SLC25A2: variants seen among roughly 807,000 people sequenced by gnomAD.
SLC25A2 encodes mitochondrial ornithine transporter 2.
SLC25A2 carries 6 observed loss-of-function variants against 7.4 expected under a neutral mutation model. The ratio of observed to expected loss-of-function variants is 0.82; its 90% CI spans 0.45 to 1.61. The LOEUF (loss-of-function observed/expected upper bound fraction) is 1.61. Ranked by LOEUF, SLC25A2 falls within the 40% of genes most tolerant of loss-of-function variation. The pLI, the probability that SLC25A2 is intolerant of heterozygous loss-of-function variation, is 0.01. For missense variants in SLC25A2, 356 were observed against 377.3 expected (o/e 0.94, Z 0.47); for synonymous variants, 158 against 153.4 (o/e 1.03, Z -0.22).
rs371165210 is a variant in SLC25A2 at position 141,303,870 on chromosome 5, G to T, written c.-5C>A. On this transcript the variant is annotated 5_prime_UTR_variant, in exon 1 of 1. Coordinates refer to ENST00000239451, the MANE Select transcript of SLC25A2 (RefSeq NM_031947.4). The stretch of plus-strand genomic sequence containing the variant: ...GATGCCAGGACCGGACTTCATGTTC[G>T]CTCACTCGTCTGAGGGTCCCAGTGG... 82 of 1,611,210 alleles carry T rather than the reference G, an allele frequency of 5.1e-5. No homozygotes were observed. Among genetic ancestry groups the T allele is most frequent in the Non-Finnish European group, 6.4e-5 (75 of 1,178,466 alleles).
Position 141,303,948 on chromosome 5 carries a change from C to T in SLC25A2, c.-83G>A. 3 of 1,468,952 alleles carry T rather than the reference C, an allele frequency of 2.0e-6. No homozygotes were observed. Among genetic ancestry groups the T allele is most frequent in the African/African-American group, 1.4e-5 (1 of 71,388 alleles). 91.0% of individuals were successfully genotyped at this position (1,468,952 alleles called of 1,614,324 possible). ...ACCGGCTTTTCACGTCCAGCCGCAG[C>T]GAGCGCGGGGAATGGAGTTGGGGGT... On this transcript the variant is annotated 5_prime_UTR_variant, in exon 1 of 1. Coordinates refer to ENST00000239451, the MANE Select transcript of SLC25A2 (RefSeq NM_031947.4).
rs144025383 is a variant in SLC25A2, at chr5:141,303,842, T to C, written c.24A>G (p.Gln8=). The change falls in exon 1 of 1, where the codon CAA becomes CAG. Residue 8 remains glutamine (Q), a synonymous_variant. Coordinates refer to ENST00000239451, the MANE Select transcript of SLC25A2 (RefSeq NM_031947.4). ...CCCCCGCTGTGAGGTCGATGGCGGC[T>C]TGGATGCCAGGACCGGACTTCATGT... The part of the protein sequence containing the change: MKSGPGI[Q]AAIDLTAGAA... 2.7e-4 allele frequency: 442 copies of C among 1,613,858 alleles called. No homozygotes were observed. The highest frequency in any genetic ancestry group is 3.2e-4 in the Non-Finnish European group (380 of 1,179,868).
Position 141,303,117 on chromosome 5 carries a change from A to G in SLC25A2, c.749T>C (p.Ile250Thr). The G allele has an allele frequency of 6.2e-7, 1 of 1,614,256 alleles. No individual in the cohort carries two copies. Among genetic ancestry groups the G allele is most frequent in the Non-Finnish European group, 8.5e-7 (1 of 1,180,052 alleles). ...LSMYGKQAGFIGTLLSVVRNE... is the reference protein window; with the variant it reads ...LSMYGKQAGFTGTLLSVVRNE... ...TCTCACAACACTTAAGAGGGTACCA[A>G]TAAATCCTGCCTGTTTCCCATACAT... The change falls in exon 1 of 1, where the codon ATT becomes ACT. Residue 250 changes from isoleucine (I) to threonine (T), a missense_variant. By Grantham distance (89) the Ile-to-Thr change is moderately conservative. Transcript: ENST00000239451.
At position 141,303,060 on chromosome 5, in the gene SLC25A2, A is replaced by G. The variant is rs782441688; in HGVS notation, c.806T>C (p.Leu269Pro). The change falls in exon 1 of 1, where the codon CTG becomes CCG. Residue 269 changes from leucine to proline, a missense_variant. Coordinates refer to ENST00000239451, the MANE Select transcript of SLC25A2 (RefSeq NM_031947.4). Reference protein sequence around the residue: ...NEGIVALYSGLKATMIRAIPA... With the variant: ...NEGIVALYSGPKATMIRAIPA... ...GATTGCTCGAATCATAGTAGCTTTCAGTCCAGAATATAAGGCTACTATTCC... is the reference window on the plus strand; with the variant it reads ...GATTGCTCGAATCATAGTAGCTTTCGGTCCAGAATATAAGGCTACTATTCC... 6.2e-7 allele frequency: 1 copy of G among 1,614,212 alleles called. No individual in the cohort carries two copies. Among genetic ancestry groups the G allele is most frequent in the Non-Finnish European group, 8.5e-7 (1 of 1,180,022 alleles).
At position 141,303,908 on chromosome 5, in the gene SLC25A2, TC is replaced by T. The variant is rs1554296149; in HGVS notation, c.-44del. The T allele has an allele frequency of 6.3e-7, 1 of 1,580,918 alleles. No individual in the cohort carries two copies. The highest frequency in any genetic ancestry group is 1.2e-5 in the South Asian group (1 of 85,480). On this transcript the variant is annotated 5_prime_UTR_variant, in exon 1 of 1. Transcript: ENST00000239451. ...AGGGTCCCAGTGGAAGGCGACTAAC[TC>T]CCCAGAGCGTGAGACCGGCTTTTCA...
Position 141,302,990 on chromosome 5 carries a change from C to A in SLC25A2, c.876G>T (p.Lys292Asn). Residue 292 changes from lysine to asparagine, a missense_variant, in exon 1 of 1, where the codon AAG becomes AAT. By Grantham distance (94) the Lys-to-Asn change is moderately conservative. Coordinates refer to ENST00000239451, the MANE Select transcript of SLC25A2 (RefSeq NM_031947.4). ...ALFVAYEYSR[K>N]MMMKQLEAY is the part of the protein sequence containing the mutation. ...ATGCTTCCAACTGTTTCATCATCAT[C>A]TTCCTGCTGTATTCGTAGGCCACAA... 2 of 1,613,474 alleles carry A rather than the reference C, an allele frequency of 1.2e-6. No homozygotes were observed. Among genetic ancestry groups the A allele is most frequent in the Non-Finnish European group, 1.7e-6 (2 of 1,179,706 alleles).
Position 141,303,800 on chromosome 5 carries a change from C to G in SLC25A2, c.66G>C (p.Ala22=). Residue 22 remains alanine, a synonymous_variant, in exon 1 of 1, where the codon GCG becomes GCC. Transcript: ENST00000239451. ...CGAAGGGCTGCCCAGTCAGTACACA[C>G]GCTGTCCCCCCTGCGGCCCCCGCTG... ...DLTAGAAGGT[A]CVLTGQPFDT... is the part of the protein sequence containing the mutation. The G allele has an allele frequency of 6.2e-7, 1 of 1,614,222 alleles. No homozygotes were observed.
Position 141,302,918 on chromosome 5 carries a change from T to G in SLC25A2, c.*42A>C. 6.4e-7 allele frequency: 1 copy of G among 1,574,336 alleles called. No individual in the cohort carries two copies. Among genetic ancestry groups the G allele is most frequent in the Non-Finnish European group, 8.6e-7 (1 of 1,161,324 alleles). On this transcript the variant is annotated 3_prime_UTR_variant, in exon 1 of 1. Coordinates refer to ENST00000239451, the MANE Select transcript of SLC25A2 (RefSeq NM_031947.4). ...TGCTGAACCCTGTGATGAACTGTAGTCCTCAAACTCATGGACTCGGATCCA... is the reference window on the plus strand; with the variant it reads ...TGCTGAACCCTGTGATGAACTGTAGGCCTCAAACTCATGGACTCGGATCCA...
Position 141,303,337 on chromosome 5 carries a change from G to A in SLC25A2, c.529C>T (p.Leu177=). The A allele has an allele frequency of 6.2e-7, 1 of 1,614,198 alleles. No homozygotes were observed. Among genetic ancestry groups the A allele is most frequent in the East Asian group, 2.2e-5 (1 of 44,876 alleles). ...LGFYHGLSST[L]LQEVPGYFFF... ...AAATAACCCGGTACTTCTTGAAGTA[G>A]AGTACTCGAGAGTCCATGGTAGAAG... The change falls in exon 1 of 1, where the codon CTA becomes TTA. Residue 177 remains leucine (L), a synonymous_variant. Coordinates refer to ENST00000239451, the MANE Select transcript of SLC25A2 (RefSeq NM_031947.4).
rs919798481 is a variant in SLC25A2, at chr5:141,303,966, T to C, written c.-101A>G. The C allele has an allele frequency of 6.6e-6, 9 of 1,373,438 alleles. No individual in the cohort carries two copies. Among genetic ancestry groups the C allele is most frequent in the African/African-American group, 2.9e-5 (2 of 68,916 alleles). 85.1% of individuals were successfully genotyped at this position (1,373,438 alleles called of 1,614,324 possible). On this transcript the variant is annotated 5_prime_UTR_variant, in exon 1 of 1. Coordinates refer to ENST00000239451, the MANE Select transcript of SLC25A2 (RefSeq NM_031947.4). ...GCCGCAGCGAGCGCGGGGAATGGAG[T>C]TGGGGGTGGTGGGGTGGCTCTACCG... is the stretch of plus-strand genomic sequence containing the variant.
In SLC25A2 at chr5:141,302,711, A is replaced by T; in HGVS notation, c.*249T>A. ...TCAGATTAGGTACATAGGGCCAACC[A>T]GCCCACCCTGTACATTCCAGCAAGT... is the stretch of plus-strand genomic sequence containing the variant. On this transcript the variant is annotated 3_prime_UTR_variant, in exon 1 of 1. Coordinates refer to ENST00000239451, the MANE Select transcript of SLC25A2 (RefSeq NM_031947.4). The T allele has an allele frequency of 2.3e-6, 1 of 438,214 alleles. No homozygotes were observed. The highest frequency in any genetic ancestry group is 4.0e-6 in the Non-Finnish European group (1 of 248,194). 27.1% of individuals were successfully genotyped at this position (438,214 alleles called of 1,614,324 possible). A position where few individuals can be genotyped will look rare whatever the true frequency, so the allele number is the denominator to read the frequency against.
In SLC25A2 at chr5:141,303,122, T is replaced by C. The variant is rs1554296031; in HGVS notation, c.744A>G (p.Gly248=). 1.9e-6 allele frequency: 3 copies of C among 1,614,200 alleles called. No homozygotes were observed. Among genetic ancestry groups the C allele is most frequent in the African/African-American group, 1.3e-5 (1 of 75,030 alleles). ...CAACACTTAAGAGGGTACCAATAAATCCTGCCTGTTTCCCATACATGGAAA... is the reference window on the plus strand; with the variant it reads ...CAACACTTAAGAGGGTACCAATAAACCCTGCCTGTTTCCCATACATGGAAA... ...QVLSMYGKQA[G]FIGTLLSVVR... The change falls in exon 1 of 1, where the codon GGA becomes GGG. Residue 248 remains glycine, a synonymous_variant. Transcript: ENST00000239451.
Position 141,303,592 on chromosome 5 carries a change from C to T in SLC25A2, c.274G>A (p.Val92Ile), listed in dbSNP as rs1240987809. 2 of 1,614,114 alleles carry T rather than the reference C, an allele frequency of 1.2e-6. No homozygotes were observed. Among genetic ancestry groups the T allele is most frequent in the Non-Finnish European group, 1.7e-6 (2 of 1,180,052 alleles). The change falls in exon 1 of 1, where the codon GTC becomes ATC. Residue 92 changes from valine (V) to isoleucine (I), a missense_variant. Physicochemically the swap from Val to Ile is conservative, Grantham distance 29. Transcript: ENST00000239451. ...FMCYGFCQQF[V>I]RKVAGMDKQA... ...TTGTCCATTCCAGCCACTTTCCTGA[C>T]AAACTGCTGGCAGAACCCGTAGCAC...
chr5:141,303,953 G>A lies in SLC25A2; in HGVS notation c.-88C>T, dbSNP rs1755952558. On this transcript the variant is annotated 5_prime_UTR_variant, in exon 1 of 1. Transcript: ENST00000239451. ...CTTTTCACGTCCAGCCGCAGCGAGC[G>A]CGGGGAATGGAGTTGGGGGTGGTGG... 2.8e-6 allele frequency: 4 copies of A among 1,446,660 alleles called. No individual in the cohort carries two copies. In the South Asian group the frequency reaches 4.1e-5, roughly 15 times the overall value. The allele number at this position is 1,446,660 out of a possible 1,614,324, so 89.6% of individuals were successfully genotyped here. A position where few individuals can be genotyped will look rare whatever the true frequency, so the allele number is the denominator to read the frequency against.
In SLC25A2 at chr5:141,303,426, G is replaced by A. The variant is rs34663948; in HGVS notation, c.440C>T (p.Ala147Val). Residue 147 changes from alanine to valine, a missense_variant, in exon 1 of 1, where the codon GCA becomes GTA. By Grantham distance (64) the Ala-to-Val change is moderately conservative. Transcript: ENST00000239451. ...AGACCAAATTGTATTATGGCTTTTT[G>A]CTATCTTCCCTGACATCTCCATTTC... ...MYEMEMSGKI[A>V]KSHNTIWSVV... The A allele has an allele frequency of 8.2e-5, 133 of 1,614,138 alleles. No homozygotes were observed. In the African/African-American group the frequency reaches 1.7e-3, roughly 20 times the overall value.
Position 141,303,356 on chromosome 5 carries a change from G to A in SLC25A2, c.510C>T (p.Tyr170=), listed in dbSNP as rs1554296070. 33 of 1,614,178 alleles carry A rather than the reference G, an allele frequency of 2.0e-5. No individual in the cohort carries two copies. Among genetic ancestry groups the A allele is most frequent in the Non-Finnish European group, 2.7e-5 (32 of 1,180,036 alleles). ...ILKKDGPLGF[Y]HGLSSTLLQE... ...GAAGTAGAGTACTCGAGAGTCCATGGTAGAAGCCCAAGGGGCCATCCTTTT... is the reference window on the plus strand; with the variant it reads ...GAAGTAGAGTACTCGAGAGTCCATGATAGAAGCCCAAGGGGCCATCCTTTT... Residue 170 remains tyrosine, a synonymous_variant, in exon 1 of 1, where the codon TAC becomes TAT. Transcript: ENST00000239451.
In SLC25A2 at chr5:141,304,010, C is replaced by T. The variant is rs1392817960; in HGVS notation, c.-145G>A. 1.1e-6 allele frequency: 1 copy of T among 935,502 alleles called. No individual in the cohort carries two copies. The highest frequency in any genetic ancestry group is 1.6e-6 in the Non-Finnish European group (1 of 633,590). The allele number at this position is 935,502 out of a possible 1,614,324, so 58.0% of individuals were successfully genotyped here. On this transcript the variant is annotated 5_prime_UTR_variant, in exon 1 of 1. Coordinates refer to ENST00000239451, the MANE Select transcript of SLC25A2 (RefSeq NM_031947.4). ...TCTACCGCCTGTTCTGGGCTCTCAC[C>T]CCAGTGCGGGGGAAGCCGCTCAACC...
Position 141,304,003 on chromosome 5 carries a change from C to T in SLC25A2, c.-138G>A. ...GGGTGGCTCTACCGCCTGTTCTGGG[C>T]TCTCACCCCAGTGCGGGGGAAGCCG... On this transcript the variant is annotated 5_prime_UTR_variant, in exon 1 of 1. Transcript: ENST00000239451. 1.0e-6 allele frequency: 1 copy of T among 990,118 alleles called. No homozygotes were observed. Among genetic ancestry groups the T allele is most frequent in the South Asian group, 1.7e-5 (1 of 58,946 alleles). 61.3% of individuals were successfully genotyped at this position (990,118 alleles called of 1,614,324 possible).
In SLC25A2 at chr5:141,303,398, G is replaced by T; in HGVS notation, c.468C>A (p.Val156=). 6.2e-7 allele frequency: 1 copy of T among 1,614,146 alleles called. No individual in the cohort carries two copies. Among genetic ancestry groups the T allele is most frequent in the Non-Finnish European group, 8.5e-7 (1 of 1,180,034 alleles). ...IAKSHNTIWS[V]VKGILKKDGP... is the part of the protein sequence containing the mutation. ...CATCCTTTTTAAGGATACCCTTCAC[G>T]ACAGACCAAATTGTATTATGGCTTT... is the stretch of plus-strand genomic sequence containing the variant. Residue 156 remains valine, a synonymous_variant, in exon 1 of 1, where the codon GTC becomes GTA. Transcript: ENST00000239451.
Sources: gnomAD v4.1 joint callset for allele counts on GRCh38, gnomAD v4.1.1 for gene constraint, MANE v1.5 for transcripts, NCBI Gene and HGNC (gene_info 2026-07-23, HGNC 2026-07-21) for gene names.